Variants in MTO1 observed in about 807,000 individuals in gnomAD.
MTO1 encodes the protein mitochondrial tRNA translation optimization 1, also known as 5-taurinomethyluridine-[tRNA] synthase subunit MTO1, mitochondrial.
Under a neutral mutation model 71.6 loss-of-function variants are expected in MTO1, and 46 were observed. The ratio of observed to expected loss-of-function variants is 0.64; its 90% CI spans 0.51 to 0.82. The LOEUF (loss-of-function observed/expected upper bound fraction) is 0.82, where lower values mean the gene tolerates loss of function less well. Ranked by LOEUF, MTO1 falls within the 40% of genes least tolerant of loss-of-function variation. The probability of loss-of-function intolerance (pLI) is 0.00; values close to 1 mark genes in which losing one functional copy is unlikely to be tolerated. For missense variants in MTO1, 773 were observed against 867.5 expected, an observed-to-expected ratio of 0.89 and a Z score of 1.37; for synonymous variants, 297 against 312.1, an observed-to-expected ratio of 0.95 and a Z score of 0.51.
intron 4 of MTO1, 89 bp downstream of exon 4, chr6:73,473,743 G>A (rs747627279): frequency 1.9e-6 from 2 of 1,027,870 alleles, no homozygotes; most frequent in Non-Finnish European, 2.8e-6. Flanking sequence ...TTTTTTGGCA[G>A]CAGTTCACTT....
intron 4 of MTO1, among the ~76,000 whole-genome samples, chr6:73,478,194 A>C (rs893851339): frequency 5.9e-5 from 9 of 151,690 alleles, no homozygotes; most frequent in African/African-American, 2.2e-4. Flanking sequence ...TGCAGTGAGC[A>C]GAGATGATGC....
rs1221165845 is a variant in MTO1 at position 73,501,382 on chromosome 6, T to TA, written c.*648dup. 1 of 152,242 alleles carries TA rather than the reference T, an allele frequency of 6.6e-6. No individual in the cohort carries two copies. Among genetic ancestry groups the TA allele is most frequent in the Non-Finnish European group, 1.5e-5 (1 of 68,046 alleles). The allele number at this position is 152,242 out of a possible 1,614,324, so 9.4% of individuals were successfully genotyped here. On this transcript the variant is annotated 3_prime_UTR_variant, in exon 12 of 12. Transcript: ENST00000498286. ...ATTATCCACAGTGTGGATGGATACT[T>TA]ATTTGGTGACCTAGTTATGGGAGAA...
intron 1 of MTO1, among the ~76,000 whole-genome samples, chr6:73,464,673 AAAAG>A (rs1431940800): frequency 4.2e-4 from 63 of 151,236 alleles, no homozygotes; most frequent in Non-Finnish European, 6.6e-4. Context: ...AAAAAAAAAA[AAAAG>A]AAAGAAAATT....
chr6:73,469,744 G>A (rs1028231968), intron 3 of MTO1, among the ~76,000 whole-genome samples: 2 of 152,168 alleles, frequency 1.3e-5, no homozygotes, highest in South Asian at 2.1e-4. Flanking sequence ...GGTGGCTCAC[G>A]CCTGTAATCC....
chr6:73,490,780 TATGTAA>T (rs1771781574), intron 9 of MTO1, among the ~76,000 whole-genome samples: 2 of 150,952 alleles, frequency 1.3e-5, no homozygotes, highest in South Asian at 4.2e-4. Context: ...AATAAAGGTA[TATGTAA>T]ATGAAGTAAG....
chr6:73,483,087 C>T (rs9442913), intron 9 of MTO1, among the ~76,000 whole-genome samples: 10,167 of 151,966 alleles, frequency 0.067, 464 homozygotes, highest in East Asian at 0.19. Flanking sequence ...CCACTGCACC[C>T]GGCCTAACTC....
intron 9 of MTO1, among the ~76,000 whole-genome samples, chr6:73,490,490 GT>G (rs373375744): frequency 1.5e-3 from 231 of 152,258 alleles, no homozygotes; most frequent in African/African-American, 5.3e-3. Context: ...AAGGGATCCA[GT>G]TTCAGCTTTC....
rs1214368675 is a variant in MTO1, at chr6:73,502,447, A to G, written c.*1712A>G. Reference sequence around the variant, plus strand: ...CGACAGAGTGAGACTGTTTCAAAAAAAAGAAAAAGAAAAGAAGGTATTTTG... The same window carrying G: ...CGACAGAGTGAGACTGTTTCAAAAAGAAGAAAAAGAAAAGAAGGTATTTTG... On this transcript the variant is annotated 3_prime_UTR_variant, in exon 12 of 12. Transcript: ENST00000498286. 1 of 151,840 alleles carries G rather than the reference A, an allele frequency of 6.6e-6. No homozygotes were observed. The highest frequency in any genetic ancestry group is 1.5e-5 in the Non-Finnish European group (1 of 68,030). 9.4% of individuals were successfully genotyped at this position (151,840 alleles called of 1,614,324 possible). A position where few individuals can be genotyped will look rare whatever the true frequency, so the allele number is the denominator to read the frequency against.
chr6:73,477,415 A>G (rs1176067597), intron 4 of MTO1, among the ~76,000 whole-genome samples: 1 of 137,524 alleles, frequency 7.3e-6, no homozygotes, highest in East Asian at 2.1e-4. Context: ...AAAAAAAAAA[A>G]GAAATTCGGA....
chr6:73,475,165 A>G (rs1771274390), intron 4 of MTO1, among the ~76,000 whole-genome samples: 1 of 150,904 alleles, frequency 6.6e-6, no homozygotes, highest in African/African-American at 2.4e-5. Context: ...GTCTCGCCAT[A>G]TTGCCCAGGC....
rs1770824640 is a variant in MTO1, at chr6:73,461,818, G to T, written c.-37G>T. 1 of 1,595,126 alleles carries T rather than the reference G, an allele frequency of 6.3e-7. No individual in the cohort carries two copies. The highest frequency in any genetic ancestry group is 1.1e-5 in the South Asian group (1 of 90,432). On this transcript the variant is annotated 5_prime_UTR_variant, in exon 1 of 12. Coordinates refer to ENST00000498286, the MANE Select transcript of MTO1 (RefSeq NM_012123.4). ...GCGTAAGTTTTTTTGACCGTCACTCGTGTCAGCTTCAAAGTCAGATAGATT... is the reference window on the plus strand; with the variant it reads ...GCGTAAGTTTTTTTGACCGTCACTCTTGTCAGCTTCAAAGTCAGATAGATT...
chr6:73,462,839 A>G (rs1000054872), intron 1 of MTO1, among the ~76,000 whole-genome samples: 4 of 152,072 alleles, frequency 2.6e-5, no homozygotes, highest in African/African-American at 9.7e-5. Flanking sequence ...CCCAGGCTGG[A>G]GTGCAGTGAC....
chr6:73,462,012 C>T lies in MTO1; in HGVS notation c.158C>T (p.Thr53Ile), dbSNP rs1158271452. 1 of 1,613,790 alleles carries T rather than the reference C, an allele frequency of 6.2e-7. No homozygotes were observed. ...GGGHAGTEAA[T>I]AAARCGSRTL... is the part of the protein sequence containing the mutation. ...GGACATGCCGGGACTGAGGCAGCCA[C>T]CGCCGCCGCTCGGTGCGGCTCTCGG... The change falls in exon 1 of 12, where the codon ACC becomes ATC. Residue 53 changes from threonine (T) to isoleucine (I), a missense_variant. Coordinates refer to ENST00000498286, the MANE Select transcript of MTO1 (RefSeq NM_012123.4).
intron 3 of MTO1, chr6:73,471,489 G>A (rs572931549): frequency 5.6e-4 from 249 of 448,234 alleles, no homozygotes; most frequent in South Asian, 8.6e-4. Flanking sequence ...ATCACAGCTC[G>A]CTGTAGCCTC....
intron 9 of MTO1, 114 bp downstream of exon 9, chr6:73,482,734 G>C: frequency 1.3e-6 from 1 of 755,300 alleles, no homozygotes; most frequent in Non-Finnish European, 1.9e-6. Context: ...AATGAATGTA[G>C]CTTGTTTTTG....
At chr6:73,498,005 A>T in intron 11 of MTO1, 109 bp downstream of exon 11, 1 of 1,001,660 alleles carries the variant, frequency 1.0e-6, no homozygotes, top group Non-Finnish European at 1.4e-6. Flanking sequence ...TTATTTAGTA[A>T]TAAGAAACTT....
chr6:73,494,614 G>T (rs1030298083), intron 10 of MTO1, among the ~76,000 whole-genome samples: 1 of 150,644 alleles, frequency 6.6e-6, no homozygotes, highest in Non-Finnish European at 1.5e-5. Context: ...GTAGCTGTGA[G>T]TACAGGCATG....
chr6:73,467,484 A>G (rs1004878948), intron 3 of MTO1, among the ~76,000 whole-genome samples: 1 of 151,724 alleles, frequency 6.6e-6, no homozygotes, highest in Non-Finnish European at 1.5e-5. Flanking sequence ...GTGGTGGCGC[A>G]TGCTTGAAAT....
chr6:73,496,775 C>A (rs1227000491), intron 10 of MTO1, among the ~76,000 whole-genome samples: 1 of 151,934 alleles, frequency 6.6e-6, no homozygotes, highest in Non-Finnish European at 1.5e-5. Context: ...CTTATCTCAG[C>A]CGGGCATGGT....
Sources: allele counts gnomAD v4.1 joint callset (sites outside exome capture counted in the v4.1 genomes callset), GRCh38; gene constraint gnomAD v4.1.1; transcripts MANE v1.5; gene names NCBI Gene and HGNC (gene_info 2026-07-23, HGNC 2026-07-21).